SLC16A2: variants seen among roughly 807,000 people sequenced by gnomAD.
SLC16A2 encodes solute carrier family 16 member 2.
In SLC16A2, 3 loss-of-function variants were observed where a neutral mutation model predicts 27.2. That is an observed-to-expected ratio of 0.11 (90% CI 0.05 to 0.28). SLC16A2 has a LOEUF of 0.28. Ranked by LOEUF, SLC16A2 falls within the 10% of genes least tolerant of loss-of-function variation. The pLI is 1.00. For missense variants in SLC16A2, 295 were observed against 458.5 expected (o/e 0.64, Z 3.26); for synonymous variants, 202 against 187.8 (o/e 1.08, Z -0.62).
intron 4 of SLC16A2, among the ~76,000 whole-genome samples, chrX:74,528,346 C>G (rs1225202762): frequency 9.1e-6 from 1 of 109,934 alleles, no homozygotes; most frequent in Non-Finnish European, 1.9e-5. Flanking sequence ...AAATGAAGAC[C>G]AGCTGTGTTT....
intron 1 of SLC16A2, among the ~76,000 whole-genome samples, chrX:74,496,746 G>C (rs1366047362): frequency 8.9e-6 from 1 of 112,520 alleles, no homozygotes; most frequent in Admixed American, 9.3e-5. Flanking sequence ...TGGAGAATGA[G>C]TGCAAGGTTT....
At chrX:74,457,375 A>G (rs1371294583) in intron 1 of SLC16A2, among the ~76,000 whole-genome samples, 2 of 110,791 alleles carry the variant, frequency 1.8e-5, no homozygotes, top group Non-Finnish European at 3.8e-5. Context: ...CCTAAAGGAC[A>G]GACTCCCAGT....
chrX:74,531,102 A>G (rs766953416), intron 5 of SLC16A2, among the ~76,000 whole-genome samples: 2 of 112,574 alleles, frequency 1.8e-5, no homozygotes, highest in South Asian at 3.7e-4. Context: ...TAGATTGATG[A>G]AAGTCATAAA....
chrX:74,449,350 G>A (rs1928895840), intron 1 of SLC16A2, among the ~76,000 whole-genome samples: 1 of 111,950 alleles, frequency 8.9e-6, no homozygotes, highest in Non-Finnish European at 1.9e-5. Flanking sequence ...GAGGGTCAGG[G>A]GTGGGTATCT....
At position 74,476,672 on chromosome X, in the gene SLC16A2, G is replaced by C. The variant is rs758790017; in HGVS notation, c.431-44318G>C. Among the ~76,000 whole-genome samples, 762 of 111,823 alleles carry C rather than the reference G, an allele frequency of 6.8e-3. 7 individuals are homozygous for C. The highest frequency in any genetic ancestry group is 0.024 in the African/African-American group (728 of 30,785). On this transcript the variant is annotated intron_variant, in intron 1 of 5. Coordinates refer to ENST00000587091, the MANE Select transcript of SLC16A2 (RefSeq NM_006517.5). The stretch of plus-strand genomic sequence containing the variant: ...ATCCCATCAATACCTAATTTCTTGA[G>C]AGTTTTTAGCATGAAGGGCTGTTGA...
chrX:74,467,908 C>G (rs1929282407), intron 1 of SLC16A2, among the ~76,000 whole-genome samples: 2 of 111,007 alleles, frequency 1.8e-5, no homozygotes, highest in African/African-American at 6.6e-5. Context: ...CCACCCAACT[C>G]TTACCTAAAC....
At chrX:74,435,540 T>TATAAAAAA in intron 1 of SLC16A2, among the ~76,000 whole-genome samples, 1 of 65,770 alleles carries the variant, frequency 1.5e-5, no homozygotes, top group Non-Finnish European at 2.5e-5. Context: ...TATATATGTA[T>TATAAAAAA]ATATATATAT....
intron 1 of SLC16A2, among the ~76,000 whole-genome samples, chrX:74,440,866 C>T (rs1928732232): frequency 9.1e-6 from 1 of 110,248 alleles, no homozygotes. Context: ...CAGGTCTGAC[C>T]TCTGGTTCAC....
chrX:74,476,317 A>C (rs1371799553), intron 1 of SLC16A2, among the ~76,000 whole-genome samples: 1 of 112,101 alleles, frequency 8.9e-6, no homozygotes, highest in African/African-American at 3.2e-5. Flanking sequence ...TGATTTTTGT[A>C]CATTGATTTT....
At chrX:74,454,240 G>A (rs1048510504) in intron 1 of SLC16A2, among the ~76,000 whole-genome samples, 225 of 111,371 alleles carry the variant, frequency 2.0e-3, no homozygotes, top group Non-Finnish European at 3.6e-3. Flanking sequence ...TATACCCAAA[G>A]GATTATAAAA....
chrX:74,453,575 A>G (rs1928984966), intron 1 of SLC16A2, among the ~76,000 whole-genome samples: 1 of 110,134 alleles, frequency 9.1e-6, no homozygotes, highest in South Asian at 3.9e-4. Context: ...GTTATTTTTT[A>G]TTTATTTATT....
At chrX:74,466,989 G>T (rs2147850850) in intron 1 of SLC16A2, among the ~76,000 whole-genome samples, 1 of 112,297 alleles carries the variant, frequency 8.9e-6, no homozygotes, top group African/African-American at 3.2e-5. Context: ...TGCTTTCCTG[G>T]CACAATTGGT....
At chrX:74,506,837 T>C (rs376654240) in intron 1 of SLC16A2, among the ~76,000 whole-genome samples, 5 of 111,619 alleles carry the variant, frequency 4.5e-5, no homozygotes, top group African/African-American at 1.6e-4. Flanking sequence ...TAGTTAGCAA[T>C]TGACTTGCTG....
intron 1 of SLC16A2, among the ~76,000 whole-genome samples, chrX:74,478,389 C>T (rs1222314602): frequency 9.0e-6 from 1 of 111,487 alleles, no homozygotes; most frequent in Non-Finnish European, 1.9e-5. Context: ...TGTCTCTGCA[C>T]ATGAGATGGG....
At chrX:74,465,802 G>C (rs931291013) in intron 1 of SLC16A2, among the ~76,000 whole-genome samples, 2 of 111,084 alleles carry the variant, frequency 1.8e-5, no homozygotes, top group African/African-American at 6.6e-5. Flanking sequence ...GTGAGGGAGG[G>C]GACAGAAGGG....
intron 1 of SLC16A2, among the ~76,000 whole-genome samples, chrX:74,467,183 T>C (rs1385822127): frequency 1.8e-5 from 2 of 111,946 alleles, no homozygotes; most frequent in African/African-American, 6.5e-5. Flanking sequence ...TAGAGAAAGC[T>C]AAGCTGGAAA....
In SLC16A2 at chrX:74,421,626, C is replaced by G. The variant is rs753339521; in HGVS notation, c.-12C>G. The G allele has an allele frequency of 8.3e-7, 1 of 1,202,515 alleles. No individual in the cohort carries two copies. Among genetic ancestry groups the G allele is most frequent in the Non-Finnish European group, 1.1e-6 (1 of 892,709 alleles). On this transcript the variant is annotated 5_prime_UTR_variant, in exon 1 of 6. Transcript: ENST00000587091. ...CTCCTCTGGCCCAAGCAGCCACAGTCCCCCCGCCGCGATGGCGCTGCAAAG... is the reference window on the plus strand; with the variant it reads ...CTCCTCTGGCCCAAGCAGCCACAGTGCCCCCGCCGCGATGGCGCTGCAAAG...
chrX:74,494,068 T>G (rs1929888528), intron 1 of SLC16A2, among the ~76,000 whole-genome samples: 1 of 111,891 alleles, frequency 8.9e-6, no homozygotes, highest in African/African-American at 3.2e-5. Flanking sequence ...CACAGATGCT[T>G]CTCAATGAGG....
intron 1 of SLC16A2, among the ~76,000 whole-genome samples, chrX:74,478,497 T>G (rs1441287932): frequency 1.8e-5 from 2 of 112,002 alleles, no homozygotes; most frequent in Admixed American, 1.9e-4. Context: ...AAGTTAATAT[T>G]GTTATGTGTA....
Sources: gnomAD v4.1 joint callset for allele counts (sites outside exome capture counted in the v4.1 genomes callset) on GRCh38, gnomAD v4.1.1 for gene constraint, MANE v1.5 for transcripts, NCBI Gene and HGNC (gene_info 2026-07-23, HGNC 2026-07-21) for gene names.